Variants in MOB4 observed in about 807,000 individuals in gnomAD.
MOB4 encodes the protein MOB family member 4, phocein.
In MOB4, 4 loss-of-function variants were observed where a neutral mutation model predicts 32.2. The observed-to-expected ratio is 0.12, with a 90% CI of 0.06 to 0.28. The LOEUF is 0.28. Ranked by LOEUF, MOB4 falls within the 10% of genes least tolerant of loss-of-function variation. The pLI, the probability that MOB4 is intolerant of heterozygous loss-of-function variation, is 1.00. For synonymous variants in MOB4, 88 were observed against 88.1 expected, an observed-to-expected ratio of 1.00 and a Z score of 0.01; for missense variants, 158 against 271.2, an observed-to-expected ratio of 0.58 and a Z score of 2.93.
chr2:197,530,414 C>A (rs2086680706), intron 2 of MOB4, among the ~76,000 whole-genome samples: 1 of 151,840 alleles, frequency 6.6e-6, no homozygotes, highest in African/African-American at 2.4e-5. Flanking sequence ...ACTACAGGAG[C>A]ACACCACCCC....
intron 5 of MOB4, among the ~76,000 whole-genome samples, chr2:197,542,133 A>T (rs1405590437): frequency 6.6e-6 from 1 of 152,204 alleles, no homozygotes; most frequent in Non-Finnish European, 1.5e-5. Flanking sequence ...TTTAGAGTGG[A>T]AGTGATATCC....
rs1405170237 is a variant in MOB4 at position 197,551,631 on chromosome 2, A to G, written c.*985A>G. 1 of 152,790 alleles carries G rather than the reference A, an allele frequency of 6.5e-6. No individual in the cohort carries two copies. The highest frequency in any genetic ancestry group is 2.4e-5 in the African/African-American group (1 of 41,460). The allele number at this position is 152,790 out of a possible 1,614,324, so 9.5% of individuals were successfully genotyped here. A position where few individuals can be genotyped will look rare whatever the true frequency, so the allele number is the denominator to read the frequency against. ...TCTTTCATTTAACCAGCTAGGCAGC[A>G]TTAAATAGAATTGAAGAAATACCAT... On this transcript the variant is annotated 3_prime_UTR_variant, in exon 8 of 8. Coordinates refer to ENST00000323303, the MANE Select transcript of MOB4 (RefSeq NM_015387.5).
chr2:197,515,711 A>C, upstream of MOB4: 1 of 267,200 alleles, frequency 3.7e-6, no homozygotes, highest in Non-Finnish European at 7.2e-6. Flanking sequence ...GGTCGCCACT[A>C]TACGAAGTTC....
At chr2:197,521,013 A>G (rs1294655335) in intron 1 of MOB4, among the ~76,000 whole-genome samples, 2 of 151,484 alleles carry the variant, frequency 1.3e-5, no homozygotes, top group African/African-American at 4.9e-5. Context: ...GTAGGTGTAT[A>G]TATTTGTAGG....
Position 197,540,131 on chromosome 2 carries a change from A to G in MOB4, c.245A>G (p.Asn82Ser), listed in dbSNP as rs1281711901. Residue 82 changes from asparagine (N) to serine (S), a missense_variant, in exon 4 of 8, where the codon AAT becomes AGT. Around this residue, in one of 6 missense-constraint regions of MOB4, gnomAD observed 21 missense variants for 19.8 expected, o/e 1.06. Transcript: ENST00000323303. ...TTCAGGCAGTTCTGCCTTGAGCTAA[A>G]TGGACTTGCTGTCAAACTTCAGGTA... ...EHLRQFCLEL[N>S]GLAVKLQSEC... 1.9e-6 allele frequency: 3 copies of G among 1,604,000 alleles called. No individual in the cohort carries two copies. The highest frequency in any genetic ancestry group is 2.6e-6 in the Non-Finnish European group (3 of 1,174,730).
At position 197,524,376 on chromosome 2, in the gene MOB4, T is replaced by C. The variant is rs187941215; in HGVS notation, c.123+690T>C. On this transcript the variant is annotated intron_variant, in intron 2 of 7. Coordinates refer to ENST00000323303, the MANE Select transcript of MOB4 (RefSeq NM_015387.5). Reference sequence around the variant, plus strand: ...TGAAACCCTGTCTCTACTAAAAACATAAAAAATTAGCCAGACATGGTGGCA... The same window carrying C: ...TGAAACCCTGTCTCTACTAAAAACACAAAAAATTAGCCAGACATGGTGGCA... Among the ~76,000 whole-genome samples the C allele has an allele frequency of 3.4e-3, 513 of 150,444 alleles. 2 individuals are homozygous for C. Among genetic ancestry groups the C allele is most frequent in the Non-Finnish European group, 5.1e-3 (347 of 67,516 alleles).
At position 197,526,215 on chromosome 2, in the gene MOB4, C is replaced by T. The variant is rs527672328; in HGVS notation, c.123+2529C>T. On this transcript the variant is annotated intron_variant, in intron 2 of 7. Transcript: ENST00000323303. ...TTATATTGAAGTTGTTTCCTTTATT[C>T]GTAGGTCATTCAGTGCTTTTTAGAT... Among the ~76,000 whole-genome samples the T allele has an allele frequency of 3.3e-5, 5 of 152,216 alleles. No homozygotes were observed. The East Asian group carries it at 7.7e-4, about 23-fold the overall frequency.
At chr2:197,536,856 A>C (rs943148032) in intron 3 of MOB4, among the ~76,000 whole-genome samples, 1 of 151,808 alleles carries the variant, frequency 6.6e-6, no homozygotes, top group African/African-American at 2.4e-5. Flanking sequence ...TCAGCCTCCC[A>C]AAGTGCTGGG....
chr2:197,535,448 G>A, intron 2 of MOB4, 82 bp from the exon 3 acceptor site: 1 of 1,306,658 alleles, frequency 7.7e-7, no homozygotes, highest in Non-Finnish European at 1.0e-6. Flanking sequence ...GAGCAGTTAT[G>A]TATTAACAAA....
rs529439745 is a variant in MOB4 at position 197,525,023 on chromosome 2, T to C, written c.123+1337T>C. ...AAAATATACCATAAATCGAGGCTGT[T>C]TGGCTTCATTTTGATAGCCAGATAA... On this transcript the variant is annotated intron_variant, in intron 2 of 7. Coordinates refer to ENST00000323303, the MANE Select transcript of MOB4 (RefSeq NM_015387.5). Among the ~76,000 whole-genome samples, 26 of 152,204 alleles carry C rather than the reference T, an allele frequency of 1.7e-4. No individual in the cohort carries two copies. In the South Asian group the frequency reaches 4.8e-3, roughly 28 times the overall value.
At chr2:197,523,971 G>A (rs1221267187) in intron 2 of MOB4, among the ~76,000 whole-genome samples, 2 of 152,172 alleles carry the variant, frequency 1.3e-5, no homozygotes, top group African/African-American at 4.8e-5. Context: ...GTTTTAAGAT[G>A]GCATATTAAG....
intron 5 of MOB4, among the ~76,000 whole-genome samples, chr2:197,541,649 G>A (rs2086896636): frequency 6.6e-6 from 1 of 152,228 alleles, no homozygotes; most frequent in Admixed American, 6.5e-5. Context: ...GCCGGGCGCG[G>A]TGGCTCACGC....
intron 1 of MOB4, among the ~76,000 whole-genome samples, chr2:197,517,099 A>G (rs2086428294): frequency 6.6e-6 from 1 of 152,224 alleles, no homozygotes; most frequent in African/African-American, 2.4e-5. Context: ...TTAATTTCTT[A>G]TACAGAATTA....
At chr2:197,548,689 T>C (rs1309889069) in intron 6 of MOB4, among the ~76,000 whole-genome samples, 2 of 152,112 alleles carry the variant, frequency 1.3e-5, no homozygotes, top group Admixed American at 1.3e-4. Flanking sequence ...TGCATTTTTG[T>C]ATTTTTTTTT....
chr2:197,527,275 G>A (rs2086626900), intron 2 of MOB4, among the ~76,000 whole-genome samples: 1 of 151,932 alleles, frequency 6.6e-6, no homozygotes, highest in South Asian at 2.1e-4. Context: ...TCTTACTCAT[G>A]CACACGAGAT....
At chr2:197,547,325 A>T (rs2087014452) in intron 5 of MOB4, among the ~76,000 whole-genome samples, 1 of 152,110 alleles carries the variant, frequency 6.6e-6, no homozygotes, top group East Asian at 1.9e-4. Flanking sequence ...AAGGTTGTAA[A>T]ACTGTCTCAT....
At chr2:197,538,685 A>G (rs995698462) in intron 3 of MOB4, among the ~76,000 whole-genome samples, 4 of 152,136 alleles carry the variant, frequency 2.6e-5, no homozygotes, top group African/African-American at 9.7e-5. Context: ...TGAGTTTTGC[A>G]TTATTTGCCA....
intron 1 of MOB4, among the ~76,000 whole-genome samples, chr2:197,519,273 C>T (rs571300347): frequency 6.6e-6 from 1 of 152,294 alleles, no homozygotes; most frequent in East Asian, 1.9e-4. Context: ...TGGTGTCTCT[C>T]ATAGGCATCT....
At chr2:197,534,178 A>G (rs1289933012) in intron 2 of MOB4, among the ~76,000 whole-genome samples, 2 of 152,200 alleles carry the variant, frequency 1.3e-5, no homozygotes, top group Non-Finnish European at 2.9e-5. Context: ...TTTTTGAGTA[A>G]GCAAGTGATA....
Sources: gnomAD v4.1 joint callset for allele counts (sites outside exome capture counted in the v4.1 genomes callset) on GRCh38, gnomAD v4.1.1 for gene constraint, gnomAD v4.1.1 regional missense constraint, MANE v1.5 for transcripts, NCBI Gene and HGNC (gene_info 2026-07-23, HGNC 2026-07-21) for gene names.